RAB38: variants seen among roughly 807,000 people sequenced by gnomAD.
The protein encoded by RAB38 is ras-related protein Rab-38.
RAB38 carries 15 observed loss-of-function variants against 18.4 expected under a neutral mutation model. That is an observed-to-expected ratio of 0.82 (90% confidence interval 0.55 to 1.26). RAB38 has a LOEUF of 1.26. RAB38 is among the 50% of genes most tolerant of loss of function. The probability of loss-of-function intolerance (pLI) is 0.00; values close to 1 mark genes in which losing one functional copy is unlikely to be tolerated. For missense variants in RAB38, 294 were observed against 267.4 expected (o/e 1.10, Z -0.69); for synonymous variants, 101 against 104.4 (o/e 0.97, Z 0.20).
the RAB38 span, among the ~76,000 whole-genome samples, chr11:87,817,774 G>T: frequency 9.5e-4 from 144 of 152,222 alleles, 1 homozygote; most frequent in African/African-American, 3.2e-3. Flanking sequence ...TCTTCTAATG[G>T]CTGTGATAAT....
the RAB38 span, among the ~76,000 whole-genome samples, chr11:87,977,845 T>A: frequency 7.1e-4 from 76 of 107,632 alleles, no homozygotes; most frequent in Non-Finnish European, 1.3e-3. Flanking sequence ...TCATGTATAT[T>A]AATGGATAGT....
the RAB38 span, among the ~76,000 whole-genome samples, chr11:87,937,675 G>T: frequency 2.0e-5 from 3 of 151,914 alleles, no homozygotes; most frequent in Non-Finnish European, 2.9e-5. Flanking sequence ...TGTTTTCAAA[G>T]AATTGATCCA....
At chr11:88,166,682 A>G (rs1333278531) in intron 1 of RAB38, 2 of 152,146 alleles carry the variant, frequency 1.3e-5, no homozygotes, top group African/African-American at 4.8e-5. Flanking sequence ...TTCACTTCAA[A>G]TTATGGAGAC....
the RAB38 span, among the ~76,000 whole-genome samples, chr11:87,938,465 A>G: frequency 6.6e-6 from 1 of 152,074 alleles, no homozygotes; most frequent in African/African-American, 2.4e-5. Context: ...GCTTCTTTAC[A>G]GCCTCACAAA....
At chr11:88,089,780 T>C in the RAB38 span, among the ~76,000 whole-genome samples, 1 of 152,094 alleles carries the variant, frequency 6.6e-6, no homozygotes, top group East Asian at 1.9e-4. Flanking sequence ...ACATGAACTC[T>C]AAGATTTACC....
chr11:87,856,698 T>C, the RAB38 span, among the ~76,000 whole-genome samples: 4 of 152,184 alleles, frequency 2.6e-5, no homozygotes, highest in East Asian at 1.9e-4. Context: ...TTCTTCTTCT[T>C]CTCCTCCTCC....
At chr11:88,068,014 T>TTA in the RAB38 span, among the ~76,000 whole-genome samples, 1,223 of 148,294 alleles carry the variant, frequency 8.2e-3, 16 homozygotes, top group African/African-American at 0.029. Context: ...TACATATATT[T>TTA]TATATATATA....
At chr11:88,039,232 G>C in the RAB38 span, among the ~76,000 whole-genome samples, 1,281 of 152,238 alleles carry the variant, frequency 8.4e-3, 18 homozygotes, top group African/African-American at 0.03. Flanking sequence ...GATAATGTTA[G>C]TGGCAATTTA....
chr11:87,807,482 T>C, the RAB38 span, among the ~76,000 whole-genome samples: 5 of 152,220 alleles, frequency 3.3e-5, no homozygotes, highest in African/African-American at 1.2e-4. Context: ...ACTGGATCTA[T>C]AAATATCTCA....
chr11:87,966,310 T>G, the RAB38 span, among the ~76,000 whole-genome samples: 1 of 152,250 alleles, frequency 6.6e-6, no homozygotes, highest in Admixed American at 6.5e-5. Flanking sequence ...AGTCTGAAAC[T>G]ATTATATTTA....
chr11:88,162,855 G>C (rs1314584777), intron 1 of RAB38, among the ~76,000 whole-genome samples: 1 of 152,058 alleles, frequency 6.6e-6, no homozygotes, highest in Non-Finnish European at 1.5e-5. Context: ...GCTCTGCTAA[G>C]TTCTGCTTCT....
chr11:87,889,381 T>C, the RAB38 span, among the ~76,000 whole-genome samples: 34 of 151,940 alleles, frequency 2.2e-4, no homozygotes, highest in Non-Finnish European at 3.8e-4. Flanking sequence ...AGTTTATTTC[T>C]TCTCATCTTT....
chr11:88,080,832 A>T, the RAB38 span, among the ~76,000 whole-genome samples: 1 of 104,300 alleles, frequency 9.6e-6, no homozygotes, highest in African/African-American at 3.9e-5. Flanking sequence ...GCAATTTAGC[A>T]TGGAAGGAAG....
At chr11:88,040,821 A>T in the RAB38 span, among the ~76,000 whole-genome samples, 1 of 152,200 alleles carries the variant, frequency 6.6e-6, no homozygotes, top group East Asian at 1.9e-4. Context: ...TGGTGAGATG[A>T]TAAAACTCAG....
At chr11:88,111,077 C>A (rs1942467447), downstream of RAB38, among the ~76,000 whole-genome samples, 1 of 152,160 alleles carries the variant, frequency 6.6e-6, no homozygotes, top group African/African-American at 2.4e-5. Flanking sequence ...ATCCTGACAC[C>A]ATACGTGATG....
the RAB38 span, among the ~76,000 whole-genome samples, chr11:88,089,859 C>A: frequency 6.6e-6 from 1 of 151,914 alleles, no homozygotes; most frequent in Non-Finnish European, 1.5e-5. Flanking sequence ...AAACCCCATT[C>A]TTCGTGGTAC....
chr11:88,026,332 A>C, the RAB38 span, among the ~76,000 whole-genome samples: 3 of 151,632 alleles, frequency 2.0e-5, no homozygotes, highest in Non-Finnish European at 4.4e-5. Flanking sequence ...GAGAGGCCGA[A>C]GCTGGCGGAT....
intron 2 of RAB38, among the ~76,000 whole-genome samples, chr11:88,129,485 A>G (rs1942742125): frequency 6.6e-6 from 1 of 152,148 alleles, no homozygotes; most frequent in Non-Finnish European, 1.5e-5. Context: ...TACTAAAAAT[A>G]CAAAAATTAG....
At chr11:88,108,210 G>C in the RAB38 span, among the ~76,000 whole-genome samples, 3 of 151,992 alleles carry the variant, frequency 2.0e-5, no homozygotes, top group African/African-American at 7.2e-5. Context: ...GTCTAATATT[G>C]ATAGTGGGTG....
Sources: gnomAD v4.1 joint callset for allele counts (sites outside exome capture counted in the v4.1 genomes callset) on GRCh38, gnomAD v4.1.1 for gene constraint, MANE v1.5 for transcripts, NCBI Gene and HGNC (gene_info 2026-07-23, HGNC 2026-07-21) for gene names.